ACAD11: variants seen among roughly 807,000 people sequenced by gnomAD.
The protein encoded by ACAD11 is acyl-Coenzyme A dehydrogenase family, member 11.
Under a neutral mutation model 102.2 loss-of-function variants are expected in ACAD11, and 83 were observed. The ratio of observed to expected loss-of-function variants is 0.81; its 90% CI spans 0.68 to 0.97. ACAD11 has a LOEUF of 0.97. ACAD11 is among the 50% of genes least tolerant of loss of function. ACAD11 has a pLI of 0.00. For synonymous variants in ACAD11, 324 were observed against 319.8 expected, an observed-to-expected ratio of 1.01 and a Z score of -0.14; for missense variants, 901 against 951.7, an observed-to-expected ratio of 0.95 and a Z score of 0.70.
intron 5 of ACAD11, 139 bp downstream of exon 5, chr3:132,639,353 T>C: frequency 1.4e-6 from 1 of 703,868 alleles, no homozygotes; most frequent in East Asian, 3.2e-5. Flanking sequence ...TCTAAAAATT[T>C]TGAGTGGTGA....
At chr3:132,640,514 G>A (rs1940451997) in intron 4 of ACAD11, among the ~76,000 whole-genome samples, 1 of 152,160 alleles carries the variant, frequency 6.6e-6, no homozygotes, top group African/African-American at 2.4e-5. Flanking sequence ...TACTCGTAAA[G>A]TCCTCCAACA....
intron 17 of ACAD11, among the ~76,000 whole-genome samples, chr3:132,564,311 A>G (rs1217624405): frequency 6.6e-6 from 1 of 152,082 alleles, no homozygotes; most frequent in Non-Finnish European, 1.5e-5. Context: ...CTCCTTCTCT[A>G]TTTCTGGAAT....
Position 132,619,500 on chromosome 3 carries a change from A to G in ACAD11, c.1243T>C (p.Trp415Arg), listed in dbSNP as rs1939532148. 6.3e-7 allele frequency: 1 copy of G among 1,593,882 alleles called. No homozygotes were observed. ...TTATCAATCACTAAAGGTTTTCCCC[A>G]CTTGTCCACTGAATTTTCATTTTGA... The part of the protein sequence containing the change: ...YVQNENSVDK[W>R]GKPLVIDKLK... The change falls in exon 10 of 20, where the codon TGG (tryptophan) becomes CGG (arginine). Residue 415 changes from tryptophan (W) to arginine (R), a missense_variant. Transcript: ENST00000264990.
At chr3:132,570,818 A>G (rs1420145379) in intron 17 of ACAD11, among the ~76,000 whole-genome samples, 1 of 152,158 alleles carries the variant, frequency 6.6e-6, no homozygotes, top group African/African-American at 2.4e-5. Context: ...AGCTCTATCC[A>G]TGTTCCCACA....
chr3:132,602,517 A>G (rs991509009), intron 13 of ACAD11, among the ~76,000 whole-genome samples: 20 of 152,188 alleles, frequency 1.3e-4, no homozygotes, highest in Middle Eastern at 3.2e-3. Context: ...AATATGTACC[A>G]CAATAAATTA....
chr3:132,645,833 T>C (rs773298482), intron 1 of ACAD11: 1 of 152,252 alleles, frequency 6.6e-6, no homozygotes, highest in Admixed American at 6.5e-5. Flanking sequence ...CTGGTTTTGG[T>C]ACCATCTAAT....
At chr3:132,559,995 T>C in intron 18 of ACAD11, 53 bp from the exon 19 acceptor site, 1 of 1,381,432 alleles carries the variant, frequency 7.2e-7, no homozygotes, top group Non-Finnish European at 1.0e-6. Flanking sequence ...ATACACAATG[T>C]GGCAAAACTG....
chr3:132,574,987 G>A lies in ACAD11; in HGVS notation c.2001+785C>T, dbSNP rs574057079. Among the ~76,000 whole-genome samples, 5 of 151,758 alleles carry A rather than the reference G, an allele frequency of 3.3e-5. No individual in the cohort carries two copies. In the South Asian group the frequency reaches 8.3e-4, roughly 25 times the overall value. On this transcript the variant is annotated intron_variant, in intron 17 of 19. Coordinates refer to ENST00000264990, the MANE Select transcript of ACAD11 (RefSeq NM_032169.5). Reference sequence around the variant, plus strand: ...GTAGCTGGGACTACAGGTGCACATCGCCATGCCTGGTTAATTTTTTTTGTT... The same window carrying A: ...GTAGCTGGGACTACAGGTGCACATCACCATGCCTGGTTAATTTTTTTTGTT...
Position 132,559,878 on chromosome 3 carries a change from A to T in ACAD11, c.2183T>A (p.Val728Glu), listed in dbSNP as rs748702983. The T allele has an allele frequency of 6.2e-7, 1 of 1,613,558 alleles. No individual in the cohort carries two copies. The highest frequency in any genetic ancestry group is 1.3e-5 in the African/African-American group (1 of 74,914). Residue 728 changes from valine (V) to glutamate (E), a missense_variant, in exon 19 of 20, where the codon GTG (valine) becomes GAG (glutamate). Val to Glu is a moderately radical substitution (Grantham distance 121). Transcript: ENST00000264990. ...VSKIVDWAIQ[V>E]CGGAGVSQDY... ...CTGGGAAACACCAGCACCTCCGCACACCTGGATGGCCCAGTCAACGATTTT... is the reference window on the plus strand; with the variant it reads ...CTGGGAAACACCAGCACCTCCGCACTCCTGGATGGCCCAGTCAACGATTTT...
Position 132,638,350 on chromosome 3 carries a change from C to G in ACAD11, c.702+1142G>C, listed in dbSNP as rs550445137. The stretch of plus-strand genomic sequence containing the variant: ...TCTCTGTACTATAACACTGTTACAA[C>G]TTTTTTGGGGACTCTAATTATTTCA... On this transcript the variant is annotated intron_variant, in intron 5 of 19. Coordinates refer to ENST00000264990, the MANE Select transcript of ACAD11 (RefSeq NM_032169.5). Among the ~76,000 whole-genome samples the G allele has an allele frequency of 3.3e-5, 5 of 152,124 alleles. No individual in the cohort carries two copies. In the South Asian group the frequency reaches 1.0e-3, roughly 32 times the overall value.
rs1473257041 is a variant in ACAD11, at chr3:132,605,147, C to A, written c.1473G>T (p.Trp491Cys). 3.1e-6 allele frequency: 5 copies of A among 1,613,568 alleles called. No homozygotes were observed. The East Asian group carries it at 8.9e-5, about 29-fold the overall frequency. The change falls in exon 12 of 20, where the codon TGG becomes TGT. Residue 491 changes from tryptophan (W) to cysteine (C), a missense_variant. Coordinates refer to ENST00000264990, the MANE Select transcript of ACAD11 (RefSeq NM_032169.5). ...LYGSEEQKKQ[W>C]LEPLLQGNIT... ...TGTTCCCTTGAAGAAGAGGCTCAAGCCACTGTTTCTTCTGTTCCTCACTTC... is the reference window on the plus strand; with the variant it reads ...TGTTCCCTTGAAGAAGAGGCTCAAGACACTGTTTCTTCTGTTCCTCACTTC...
rs534534515 is a variant in ACAD11, at chr3:132,653,935, A to G, written c.149+5668T>C. Among the ~76,000 whole-genome samples, 3 of 152,300 alleles carry G rather than the reference A, an allele frequency of 2.0e-5. No homozygotes were observed. The South Asian group carries it at 6.2e-4, about 32-fold the overall frequency. ...CTTTTTGTCGATGGCTCTCAAATTT[A>G]TATGTCTAGTCCAGATCTCTGCCCC... On this transcript the variant is annotated intron_variant, in intron 1 of 19. Transcript: ENST00000264990.
At chr3:132,567,666 T>C (rs889960171) in intron 17 of ACAD11, among the ~76,000 whole-genome samples, 2 of 152,196 alleles carry the variant, frequency 1.3e-5, no homozygotes, top group Admixed American at 6.5e-5. Context: ...ATTAAAAATA[T>C]GACCAAACTA....
At chr3:132,659,473 T>C (rs1201486163) in intron 1 of ACAD11, 130 bp downstream of exon 1, 7 of 1,330,154 alleles carry the variant, frequency 5.3e-6, no homozygotes, top group Non-Finnish European at 7.2e-6. Flanking sequence ...CTCATGCCTG[T>C]AGGGTGCGTC....
intron 13 of ACAD11, among the ~76,000 whole-genome samples, chr3:132,588,542 A>T (rs183690689): frequency 1.3e-5 from 2 of 152,218 alleles, no homozygotes; most frequent in Non-Finnish European, 2.9e-5. Context: ...AATAAAACCA[A>T]GAGCTTAAAA....
At chr3:132,609,765 C>T (rs1939033191) in intron 11 of ACAD11, among the ~76,000 whole-genome samples, 1 of 152,180 alleles carries the variant, frequency 6.6e-6, no homozygotes, top group Non-Finnish European at 1.5e-5. Context: ...GGACTCCTTC[C>T]TAACTCGTTT....
Position 132,561,142 on chromosome 3 carries a change from G to A in ACAD11, c.2077C>T (p.His693Tyr), listed in dbSNP as rs760519360. The change falls in exon 18 of 20, where the codon CAC (histidine) becomes TAC (tyrosine). Residue 693 changes from histidine (H) to tyrosine (Y), a missense_variant. Transcript: ENST00000264990. ...KIRLLTLKAA[H>Y]SMDTLGSAGA... ...GCACTGCCCAGAGTGTCCATGCTGT[G>A]AGCAGCTTTCAGAGTCAACAAGCGG... 1.2e-6 allele frequency: 2 copies of A among 1,613,552 alleles called. No individual in the cohort carries two copies. The highest frequency in any genetic ancestry group is 4.5e-5 in the East Asian group (2 of 44,850).
intron 11 of ACAD11, among the ~76,000 whole-genome samples, chr3:132,613,211 C>T (rs1218942734): frequency 6.6e-6 from 1 of 150,444 alleles, no homozygotes; most frequent in African/African-American, 2.5e-5. Context: ...GAACATCACA[C>T]TCTGGGGACT....
intron 11 of ACAD11, among the ~76,000 whole-genome samples, chr3:132,605,541 C>T (rs1938803457): frequency 6.6e-6 from 1 of 152,174 alleles, no homozygotes; most frequent in Non-Finnish European, 1.5e-5. Context: ...TGCAAATATG[C>T]CCTGCTAGAA....
Sources: gnomAD v4.1 joint callset for allele counts (sites outside exome capture counted in the v4.1 genomes callset) on GRCh38, gnomAD v4.1.1 for gene constraint, MANE v1.5 for transcripts, NCBI Gene and HGNC (gene_info 2026-07-23, HGNC 2026-07-21) for gene names.